The following INPP4B variants were observed in gnomAD, a reference collection of about 807,000 sequenced individuals.
The protein encoded by INPP4B is inositol polyphosphate 4-phosphatase type II.
In INPP4B, 55 loss-of-function variants were observed where a neutral mutation model predicts 122.5. That is an observed-to-expected ratio of 0.45 (90% CI 0.36 to 0.56). The LOEUF (loss-of-function observed/expected upper bound fraction) is 0.56, where lower values mean the gene tolerates loss of function less well. Among genes scored for constraint, INPP4B ranks in the 20% least tolerant of loss-of-function variants. The pLI is 0.00. For missense variants in INPP4B, 1,000 were observed against 1,097.7 expected (o/e 0.91, Z 1.26); for synonymous variants, 403 against 388.7 (o/e 1.04, Z -0.43).
rs185080082 is a variant in INPP4B, at chr4:142,832,606, G to A, written c.-254+13603C>T. ...CGCAGTGGTAAGCCACTCCCAAAGG[G>A]CATTTTCTTTCCCATCAATTGAAGC... On this transcript the variant is annotated intron_variant, in intron 1 of 25. Transcript: ENST00000262992. 4.6e-5 allele frequency among the ~76,000 whole-genome samples: 7 copies of A among 152,292 alleles called. No individual in the cohort carries two copies. The East Asian group carries it at 1.3e-3, about 29-fold the overall frequency.
rs1165671596 is a variant in INPP4B, at chr4:142,431,403, T to C, written c.-126-18A>G. The C allele has an allele frequency of 4.7e-6, 3 of 636,136 alleles. No individual in the cohort carries two copies. The African/African-American group carries it at 5.5e-5, about 12-fold the overall frequency. The allele number at this position is 636,136 out of a possible 1,614,324, so 39.4% of individuals were successfully genotyped here. On this transcript the variant is annotated intron_variant, in intron 3 of 25. Transcript: ENST00000262992. ...TTCTGTACCTAGGAAACATCAAAAG[T>C]TAAAATTTCAGTCATATTGGAGTTC...
In INPP4B at chr4:142,026,529, T is replaced by A. The variant is rs937868643; in HGVS notation, c.*2253A>T. On this transcript the variant is annotated 3_prime_UTR_variant, in exon 26 of 26. Coordinates refer to ENST00000262992, the MANE Select transcript of INPP4B (RefSeq NM_001101669.3). ...TCACCCAGGCTGGAGTGCAATGGCATGATCTCAGCTCACTGCAACCTCCGC... is the reference window on the plus strand; with the variant it reads ...TCACCCAGGCTGGAGTGCAATGGCAAGATCTCAGCTCACTGCAACCTCCGC... 1 of 152,354 alleles carries A rather than the reference T, an allele frequency of 6.6e-6. No individual in the cohort carries two copies. The highest frequency in any genetic ancestry group is 1.5e-5 in the Non-Finnish European group (1 of 68,148). 9.4% of individuals were successfully genotyped at this position (152,354 alleles called of 1,614,324 possible). A position where few individuals can be genotyped will look rare whatever the true frequency, so the allele number is the denominator to read the frequency against.
chr4:142,359,295 A>T (rs1485786274), intron 7 of INPP4B, among the ~76,000 whole-genome samples: 1 of 151,876 alleles, frequency 6.6e-6, no homozygotes, highest in Non-Finnish European at 1.5e-5. Context: ...AACTAATTGC[A>T]ATCTTGGGCA....
chr4:142,555,161 C>G (rs982383266), intron 2 of INPP4B, among the ~76,000 whole-genome samples: 2 of 152,062 alleles, frequency 1.3e-5, no homozygotes, highest in South Asian at 2.1e-4. Flanking sequence ...ACCATAGCAA[C>G]CCAAAAGAGA....
At chr4:142,495,479 T>C (rs182662213) in intron 2 of INPP4B, among the ~76,000 whole-genome samples, 5 of 152,192 alleles carry the variant, frequency 3.3e-5, no homozygotes, top group Non-Finnish European at 5.9e-5. Context: ...GTGTTAATCA[T>C]ATAAATAGTA....
chr4:142,713,399 G>A lies in INPP4B; in HGVS notation c.-191+12440C>T, dbSNP rs891129594. Among the ~76,000 whole-genome samples the A allele has an allele frequency of 2.6e-5, 4 of 152,308 alleles. No homozygotes were observed. The East Asian group carries it at 7.7e-4, about 29-fold the overall frequency. On this transcript the variant is annotated intron_variant, in intron 2 of 25. Coordinates refer to ENST00000262992, the MANE Select transcript of INPP4B (RefSeq NM_001101669.3). ...AGGCTAGTAAGTTCACCCAGAAAGAGTCTACTGCATTTGGCAAGTGGAAAA... is the reference window on the plus strand; with the variant it reads ...AGGCTAGTAAGTTCACCCAGAAAGAATCTACTGCATTTGGCAAGTGGAAAA...
intron 1 of INPP4B, among the ~76,000 whole-genome samples, chr4:142,779,122 G>A (rs938285681): frequency 4.6e-5 from 7 of 151,706 alleles, no homozygotes; most frequent in South Asian, 4.2e-4. Flanking sequence ...CTACAACCCC[G>A]TCCAACTCAG....
chr4:142,258,339 C>T (rs1365186278), intron 11 of INPP4B, among the ~76,000 whole-genome samples: 7 of 151,282 alleles, frequency 4.6e-5, no homozygotes, highest in African/African-American at 1.5e-4. Context: ...CAACAAAAGC[C>T]AAAATTGACA....
At chr4:142,551,581 G>T (rs1390778830) in intron 2 of INPP4B, among the ~76,000 whole-genome samples, 1 of 152,108 alleles carries the variant, frequency 6.6e-6, no homozygotes, top group Non-Finnish European at 1.5e-5. Context: ...ATTATAATTT[G>T]TGATATACAC....
At chr4:142,707,862 C>A (rs1172421202) in intron 2 of INPP4B, among the ~76,000 whole-genome samples, 1 of 152,174 alleles carries the variant, frequency 6.6e-6, no homozygotes. Flanking sequence ...CAGGTTGGAA[C>A]AGTTTAGAGG....
At chr4:142,532,024 A>T (rs1425099834) in intron 2 of INPP4B, among the ~76,000 whole-genome samples, 1 of 152,302 alleles carries the variant, frequency 6.6e-6, no homozygotes, top group Admixed American at 6.5e-5. Flanking sequence ...TCAGATAATC[A>T]TCTGTAGCCC....
chr4:142,645,096 T>C (rs921605736), intron 2 of INPP4B, among the ~76,000 whole-genome samples: 6 of 152,068 alleles, frequency 3.9e-5, no homozygotes, highest in African/African-American at 1.4e-4. Context: ...TATACAGAGG[T>C]ATTAAATAAT....
At chr4:142,045,900 T>G (rs1319612713) in intron 25 of INPP4B, among the ~76,000 whole-genome samples, 6 of 152,048 alleles carry the variant, frequency 3.9e-5, no homozygotes, top group Non-Finnish European at 8.8e-5. Flanking sequence ...AAATATACAT[T>G]TTATTTTAGG....
intron 6 of INPP4B, 138 bp from the exon 7 acceptor site, chr4:142,403,192 A>G (rs1802220397): frequency 4.6e-6 from 3 of 648,272 alleles, no homozygotes; most frequent in African/African-American, 1.8e-5. Flanking sequence ...AGAGATCTGA[A>G]TTGTCAAATC....
intron 3 of INPP4B, among the ~76,000 whole-genome samples, chr4:142,443,175 C>A (rs371729790): frequency 6.6e-6 from 1 of 152,166 alleles, no homozygotes; most frequent in African/African-American, 2.4e-5. Flanking sequence ...ATAATGTCAT[C>A]TGTGGGCTAG....
At position 142,023,747 on chromosome 4, in the gene INPP4B, A is replaced by C. The variant is rs930355524; in HGVS notation, c.*5035T>G. 1 of 152,172 alleles carries C rather than the reference A, an allele frequency of 6.6e-6. No homozygotes were observed. Among genetic ancestry groups the C allele is most frequent in the Admixed American group, 6.6e-5 (1 of 15,258 alleles). 9.4% of individuals were successfully genotyped at this position (152,172 alleles called of 1,614,324 possible). On this transcript the variant is annotated 3_prime_UTR_variant, in exon 26 of 26. Transcript: ENST00000262992. ...GAAAGGGCAACATTTTTCTTCCTAA[A>C]GAACTGTATTTACTAAAATATATTT...
chr4:142,078,082 T>A (rs1476888746), intron 25 of INPP4B, among the ~76,000 whole-genome samples: 1 of 151,842 alleles, frequency 6.6e-6, no homozygotes, highest in African/African-American at 2.4e-5. Context: ...CACCTTGTGT[T>A]TAATTTTCTA....
At chr4:142,312,836 G>A (rs1165480776) in intron 8 of INPP4B, among the ~76,000 whole-genome samples, 1 of 152,162 alleles carries the variant, frequency 6.6e-6, no homozygotes, top group Non-Finnish European at 1.5e-5. Flanking sequence ...GCCCATCAGA[G>A]AGCCAGCAAA....
At chr4:142,133,031 A>G (rs1487339678) in intron 18 of INPP4B, among the ~76,000 whole-genome samples, 2 of 152,018 alleles carry the variant, frequency 1.3e-5, no homozygotes, top group African/African-American at 4.8e-5. Context: ...ATTTTATTTG[A>G]CCTATTTTCT....
Sources: allele counts gnomAD v4.1 joint callset (sites outside exome capture counted in the v4.1 genomes callset), GRCh38; gene constraint gnomAD v4.1.1; transcripts MANE v1.5; gene names NCBI Gene and HGNC (gene_info 2026-07-23, HGNC 2026-07-21).